Variants in CD40LG observed in about 807,000 individuals in gnomAD.
CD40LG encodes the protein CD40 ligand, also known as CD40 antigen ligand.
CD40LG carries 1 observed loss-of-function variant against 17.2 expected under a neutral mutation model. That is an observed-to-expected ratio of 0.06 (90% confidence interval 0.02 to 0.28). The LOEUF (loss-of-function observed/expected upper bound fraction) is 0.28, where lower values mean the gene tolerates loss of function less well. Ranked by LOEUF, CD40LG falls within the 10% of genes least tolerant of loss-of-function variation. CD40LG has a pLI of 1.00. For missense variants in CD40LG, 133 were observed against 193.2 expected (o/e 0.69, Z 1.85); for synonymous variants, 66 against 74.4 (o/e 0.89, Z 0.58).
Position 136,654,046 on chromosome X carries a change from T to C in CD40LG, c.289-327T>C, listed in dbSNP as rs3092936. Among the ~76,000 whole-genome samples, 10,094 of 111,662 alleles carry C rather than the reference T, an allele frequency of 0.09. 504 individuals carry two copies. The highest frequency in any genetic ancestry group is 0.27 in the Admixed American group (2,798 of 10,444). ...TCATCTCCCCATTCGGCATTATTTG[T>C]CAATATCTGTCAAAGCCAAGGAGGT... On this transcript the variant is annotated intron_variant, in intron 2 of 4. Transcript: ENST00000370629.
At chrX:136,658,410 T>C (rs79445743) in intron 4 of CD40LG, among the ~76,000 whole-genome samples, 4 of 111,623 alleles carry the variant, frequency 3.6e-5, no homozygotes, top group Non-Finnish European at 7.5e-5. Flanking sequence ...CCCACTACAA[T>C]GGGAGATCAA....
At chrX:136,658,971 A>AT (rs999592515) in intron 4 of CD40LG, 68 bp from the exon 5 acceptor site, 2 of 1,136,138 alleles carry the variant, frequency 1.8e-6, no homozygotes, top group South Asian at 1.8e-5. Context: ...ATTAAACTAT[A>AT]TTTTTTGTCA....
At chrX:136,658,342 C>T (rs1422790294) in intron 4 of CD40LG, among the ~76,000 whole-genome samples, 1 of 111,966 alleles carries the variant, frequency 8.9e-6, no homozygotes, top group Non-Finnish European at 1.9e-5. Flanking sequence ...AAATGGCACA[C>T]TGTTGGTGGG....
rs1359911582 is a variant in CD40LG at position 136,648,315 on chromosome X, A to G, written c.67A>G (p.Ile23Val). 8.3e-7 allele frequency: 1 copy of G among 1,199,684 alleles called. No homozygotes were observed. The highest frequency in any genetic ancestry group is 1.1e-6 in the Non-Finnish European group (1 of 885,966). Residue 23 changes from isoleucine to valine, a missense_variant, in exon 1 of 5, where the codon ATT (isoleucine) becomes GTT (valine). By Grantham distance (29) the Ile-to-Val change is conservative (BLOSUM62 3). Transcript: ENST00000370629. ...AATGLPISMKIFMYLLTVFLI... is the reference protein window; with the variant it reads ...AATGLPISMKVFMYLLTVFLI... The stretch of plus-strand genomic sequence containing the variant: ...CACTGGACTGCCCATCAGCATGAAA[A>G]TTTTTATGTATTTACTTACTGTTTT...
intron 4 of CD40LG, among the ~76,000 whole-genome samples, chrX:136,658,188 A>T (rs1300400423): frequency 9.0e-6 from 1 of 111,453 alleles, no homozygotes; most frequent in Non-Finnish European, 1.9e-5. Context: ...ATTATTTTTT[A>T]AAAAGCTCAA....
intron 2 of CD40LG, 93 bp downstream of exon 2, chrX:136,650,490 G>A: frequency 2.5e-6 from 2 of 807,142 alleles, no homozygotes; most frequent in Admixed American, 2.3e-5. Context: ...TTAAAGATTG[G>A]TTATAGACAC....
At position 136,660,041 on chromosome X, in the gene CD40LG, A is replaced by C. The variant is rs1430585730; in HGVS notation, c.*626A>C. The C allele has an allele frequency of 2.9e-5, 2 of 69,554 alleles. No individual in the cohort carries two copies. The highest frequency in any genetic ancestry group is 5.6e-5 in the Non-Finnish European group (2 of 35,678). 5.7% of individuals were successfully genotyped at this position (69,554 alleles called of 1,213,427 possible). The stretch of plus-strand genomic sequence containing the variant: ...TCTTTCTTCCAATCTCTCTTTCTCA[A>C]TCTCTCTGTTTCCCTTTGTCAGTCT... On this transcript the variant is annotated 3_prime_UTR_variant, in exon 5 of 5. Transcript: ENST00000370629.
intron 2 of CD40LG, among the ~76,000 whole-genome samples, chrX:136,653,876 G>C (rs5930974): frequency 2.7e-5 from 3 of 112,132 alleles, no homozygotes; most frequent in African/African-American, 9.7e-5. Context: ...AAATGTCTGA[G>C]GGTCTTTTCA....
At chrX:136,654,507 C>A in intron 3 of CD40LG, 77 bp downstream of exon 3, 2 of 754,623 alleles carry the variant, frequency 2.7e-6, no homozygotes, top group Non-Finnish European at 4.1e-6. Flanking sequence ...ATTGAACAAC[C>A]CAGTGTTGTT....
chrX:136,648,348 A>T lies in CD40LG; in HGVS notation c.100A>T (p.Thr34Ser). Reference sequence around the variant, plus strand: ...GTATTTACTTACTGTTTTTCTTATCACCCAGATGATTGGGTCAGCACTTTT... The same window carrying T: ...GTATTTACTTACTGTTTTTCTTATCTCCCAGATGATTGGGTCAGCACTTTT... The part of the protein sequence containing the change: ...FMYLLTVFLI[T>S]QMIGSALFAV... The change falls in exon 1 of 5, where the codon ACC (threonine) becomes TCC (serine). Residue 34 changes from threonine (T) to serine (S), a missense_variant. By Grantham distance (58) the Thr-to-Ser change is moderately conservative (BLOSUM62 1). Transcript: ENST00000370629. The T allele has an allele frequency of 8.3e-7, 1 of 1,209,258 alleles. No homozygotes were observed.
rs2076129891 is a variant in CD40LG, at chrX:136,659,920, A to ACCACC, written c.*507_*508insACCCC. 3 of 18,644 alleles carry ACCACC rather than the reference A, an allele frequency of 1.6e-4. No individual in the cohort carries two copies. The highest frequency in any genetic ancestry group is 3.5e-4 in the Non-Finnish European group (2 of 5,739). The allele number at this position is 18,644 out of a possible 1,213,427, so 1.5% of individuals were successfully genotyped here. On this transcript the variant is annotated 3_prime_UTR_variant, in exon 5 of 5. Coordinates refer to ENST00000370629, the MANE Select transcript of CD40LG (RefSeq NM_000074.3). ...ACGTCTAACACAGTGGAGAACCGAA[A>ACCACC]CCCCCCCCCCCCCCCCGCCACCCTC...
chrX:136,649,846 T>G (rs980576829), intron 1 of CD40LG, among the ~76,000 whole-genome samples: 9 of 112,743 alleles, frequency 8.0e-5, no homozygotes, highest in African/African-American at 2.9e-4. Flanking sequence ...CTTCTTTTTA[T>G]AAAGCACTGC....
At chrX:136,654,581 C>G in intron 3 of CD40LG, 151 bp downstream of exon 3, 1 of 482,177 alleles carries the variant, frequency 2.1e-6, no homozygotes, top group East Asian at 3.7e-5. Flanking sequence ...GACACCTTCT[C>G]TGGTCCCTGT....
At position 136,659,138 on chromosome X, in the gene CD40LG, A is replaced by G. The variant is rs756468554; in HGVS notation, c.509A>G (p.Tyr170Cys). 1 of 1,209,067 alleles carries G rather than the reference A, an allele frequency of 8.3e-7. No homozygotes were observed. The highest frequency in any genetic ancestry group is 1.1e-6 in the Non-Finnish European group (1 of 894,463). ...QLTVKRQGLY[Y>C]IYAQVTFCSN... The stretch of plus-strand genomic sequence containing the variant: ...ACCGTTAAAAGACAAGGACTCTATT[A>G]TATCTATGCCCAAGTCACCTTCTGT... The change falls in exon 5 of 5, where the codon TAT (tyrosine) becomes TGT (cysteine). Residue 170 changes from tyrosine (Y) to cysteine (C), a missense_variant. By Grantham distance (194) the Tyr-to-Cys change is radical. Transcript: ENST00000370629.
chrX:136,653,103 T>G (rs1253043858), intron 2 of CD40LG, among the ~76,000 whole-genome samples: 2 of 112,249 alleles, frequency 1.8e-5, no homozygotes, highest in Non-Finnish European at 3.8e-5. Context: ...ATCTCAACCT[T>G]GATCACCACA....
Position 136,654,296 on chromosome X carries a change from G to A in CD40LG, c.289-77G>A. The stretch of plus-strand genomic sequence containing the variant: ...AACAGACAACAGAGTAATGACAGAT[G>A]CAAAACGAATGATAATTTTAAAACC... On this transcript the variant is annotated intron_variant, in intron 2 of 4. Transcript: ENST00000370629. 5 of 723,938 alleles carry A rather than the reference G, an allele frequency of 6.9e-6. No homozygotes were observed. In the South Asian group the frequency reaches 1.1e-4, roughly 15 times the overall value. The allele number at this position is 723,938 out of a possible 1,213,427, so 59.7% of individuals were successfully genotyped here. A position where few individuals can be genotyped will look rare whatever the true frequency, so the allele number is the denominator to read the frequency against.
intron 2 of CD40LG, among the ~76,000 whole-genome samples, chrX:136,652,310 C>CCCCAAATTT: frequency 9.0e-6 from 1 of 111,537 alleles, no homozygotes; most frequent in East Asian, 2.8e-4. Flanking sequence ...ATACGCTTTC[C>CCCCAAATTT]CCCAAATTTC....
chrX:136,654,560 A>T, intron 3 of CD40LG, 130 bp downstream of exon 3: 1 of 510,245 alleles, frequency 2.0e-6, no homozygotes. Context: ...CAGGAACACA[A>T]TTGTCAAATT....
chrX:136,649,905 T>C (rs1428128170), intron 1 of CD40LG, among the ~76,000 whole-genome samples: 1 of 112,494 alleles, frequency 8.9e-6, no homozygotes, highest in Non-Finnish European at 1.9e-5. Context: ...CAGAAAACTA[T>C]TTTCTAGGCT....
Sources: gnomAD v4.1 joint callset for allele counts (sites outside exome capture counted in the v4.1 genomes callset) on GRCh38, gnomAD v4.1.1 for gene constraint, MANE v1.5 for transcripts, NCBI Gene and HGNC (gene_info 2026-07-23, HGNC 2026-07-21) for gene names.